Variants in ARID1B observed in about 807,000 individuals in gnomAD.
ARID1B encodes AT-rich interaction domain 1B.
A neutral mutation model predicts 212.3 loss-of-function variants in ARID1B; 30 were observed. That is an observed-to-expected ratio of 0.14 (90% CI 0.11 to 0.19). ARID1B has a LOEUF of 0.19. Among genes scored for constraint, ARID1B ranks in the 10% least tolerant of loss-of-function variants. ARID1B has a pLI of 1.00. For missense variants in ARID1B, 2,891 were observed against 3,204.0 expected (o/e 0.90, Z 2.36); for synonymous variants, 1,402 against 1,301.7 (o/e 1.08, Z -1.66).
At chr6:156,888,658 A>AT (rs1486176358) in intron 2 of ARID1B, among the ~76,000 whole-genome samples, 1 of 152,160 alleles carries the variant, frequency 6.6e-6, no homozygotes, top group Non-Finnish European at 1.5e-5. Context: ...CTGGGACAGC[A>AT]TTTTTGGGAT....
chr6:156,826,793 G>A (rs552289062), intron 1 of ARID1B, among the ~76,000 whole-genome samples: 1 of 152,186 alleles, frequency 6.6e-6, no homozygotes, highest in Admixed American at 6.5e-5. Context: ...TTCCTGGGCT[G>A]CATTTGGCAC....
chr6:156,973,615 GA>G, intron 4 of ARID1B, among the ~76,000 whole-genome samples: 1 of 152,252 alleles, frequency 6.6e-6, no homozygotes, highest in East Asian at 1.9e-4. Flanking sequence ...GGAGGCAAAT[GA>G]AATAAATAAA....
chr6:156,872,215 T>C (rs1786189248), intron 2 of ARID1B, among the ~76,000 whole-genome samples: 1 of 152,234 alleles, frequency 6.6e-6, no homozygotes, highest in Non-Finnish European at 1.5e-5. Context: ...TGAGATTTCA[T>C]GTGTAAAAGC....
At chr6:156,951,999 C>T (rs1165251284) in intron 4 of ARID1B, among the ~76,000 whole-genome samples, 4 of 152,144 alleles carry the variant, frequency 2.6e-5, no homozygotes, top group South Asian at 4.2e-4. Flanking sequence ...TTACTCTGTC[C>T]AAAGAAGTAG....
chr6:156,781,723 A>C (rs1779283310), intron 1 of ARID1B, among the ~76,000 whole-genome samples: 1 of 152,082 alleles, frequency 6.6e-6, no homozygotes, highest in South Asian at 2.1e-4. Context: ...CACGAGGAAA[A>C]ACATTATAGA....
chr6:156,810,820 A>G (rs1781504174), intron 1 of ARID1B, among the ~76,000 whole-genome samples: 1 of 152,220 alleles, frequency 6.6e-6, no homozygotes, highest in Non-Finnish European at 1.5e-5. Flanking sequence ...AGGAAGAGCT[A>G]TATGAAATGT....
chr6:156,886,809 T>C (rs989006175), intron 2 of ARID1B, among the ~76,000 whole-genome samples: 103 of 152,356 alleles, frequency 6.8e-4, no homozygotes, highest in African/African-American at 2.4e-3. Context: ...ACATATTTTT[T>C]CATTTAAAAC....
intron 4 of ARID1B, among the ~76,000 whole-genome samples, chr6:157,061,609 T>TTTCA (rs1263028003): frequency 6.6e-6 from 1 of 152,142 alleles, no homozygotes; most frequent in Non-Finnish European, 1.5e-5. Context: ...TATAGTTGAA[T>TTTCA]TTCACATAAG....
intron 6 of ARID1B, among the ~76,000 whole-genome samples, chr6:157,113,478 A>T (rs1583327735): frequency 6.6e-6 from 1 of 152,200 alleles, no homozygotes; most frequent in East Asian, 1.9e-4. Flanking sequence ...TCCAGTCATG[A>T]TGGAAGGTGA....
chr6:156,936,329 C>G (rs9478739), intron 4 of ARID1B: 1 of 122,886 alleles, frequency 8.1e-6, no homozygotes, highest in Non-Finnish European at 1.6e-5. Context: ...GCAACAAGAG[C>G]GAAACTTCAT....
intron 5 of ARID1B, among the ~76,000 whole-genome samples, chr6:157,092,196 T>A (rs912700165): frequency 2.0e-5 from 3 of 152,262 alleles, no homozygotes; most frequent in African/African-American, 7.2e-5. Context: ...ACAAAACTAT[T>A]TCCATTCCCT....
chr6:156,881,951 C>T (rs1257526404), intron 2 of ARID1B, among the ~76,000 whole-genome samples: 1 of 152,198 alleles, frequency 6.6e-6, no homozygotes, highest in East Asian at 1.9e-4. Context: ...AACATACATA[C>T]TTCTGCTTTA....
At chr6:156,891,974 C>T (rs1355205583) in intron 2 of ARID1B, among the ~76,000 whole-genome samples, 2 of 150,378 alleles carry the variant, frequency 1.3e-5, no homozygotes, top group Admixed American at 1.3e-4. Context: ...CCGGTTCAAG[C>T]GATTCTCCTG....
chr6:156,979,537 C>CATGAATTATTTGA (rs1376341515), intron 4 of ARID1B, among the ~76,000 whole-genome samples: 17 of 151,630 alleles, frequency 1.1e-4, no homozygotes, highest in Non-Finnish European at 1.5e-5. Context: ...GAAATATAAA[C>CATGAATTATTTGA]ATGAATTATT....
chr6:157,029,644 T>C (rs993326161), intron 4 of ARID1B, among the ~76,000 whole-genome samples: 2 of 152,202 alleles, frequency 1.3e-5, no homozygotes, highest in African/African-American at 4.8e-5. Flanking sequence ...CATGGGATGA[T>C]CTGGTAGCAC....
chr6:156,983,836 A>G (rs7767829), intron 4 of ARID1B, among the ~76,000 whole-genome samples: 41,141 of 151,758 alleles, frequency 0.27, 6,711 homozygotes, highest in African/African-American at 0.45. Context: ...GGTGGTCTCC[A>G]GTTCTTGAGC....
intron 5 of ARID1B, among the ~76,000 whole-genome samples, chr6:157,103,408 G>T (rs142033500): frequency 6.6e-6 from 1 of 152,318 alleles, no homozygotes; most frequent in Non-Finnish European, 1.5e-5. Context: ...ACTATGGAAA[G>T]TGTTAATACT....
intron 6 of ARID1B, among the ~76,000 whole-genome samples, chr6:157,131,852 G>C (rs62424330): frequency 6.6e-6 from 1 of 151,948 alleles, no homozygotes; most frequent in Non-Finnish European, 1.5e-5. Flanking sequence ...CACCGTGCCC[G>C]GCTAATTTTT....
intron 4 of ARID1B, among the ~76,000 whole-genome samples, chr6:156,967,641 T>C (rs1284860919): frequency 6.6e-6 from 1 of 152,246 alleles, no homozygotes; most frequent in Non-Finnish European, 1.5e-5. Context: ...AAATTTCCAA[T>C]CTGTTATGGT....
Sources: gnomAD v4.1 joint callset for allele counts (sites outside exome capture counted in the v4.1 genomes callset) on GRCh38, gnomAD v4.1.1 for gene constraint, MANE v1.5 for transcripts, NCBI Gene and HGNC (gene_info 2026-07-23, HGNC 2026-07-21) for gene names.